The following ERI1 variants were observed in gnomAD, a reference collection of about 807,000 sequenced individuals.
ERI1 encodes the protein 3'-5' exoribonuclease 1.
ERI1 carries 39 observed loss-of-function variants against 39.7 expected under a neutral mutation model. That is an observed-to-expected ratio of 0.98 (90% CI 0.76 to 1.28). ERI1 has a LOEUF of 1.28. Among genes scored for constraint, ERI1 ranks in the 50% most tolerant of loss-of-function variants. ERI1 has a pLI of 0.00. For missense variants in ERI1, 581 were observed against 416.9 expected (o/e 1.39, Z -3.43); for synonymous variants, 204 against 149.6 (o/e 1.36, Z -2.65).
chr8:9,081,352 C>T (rs1208730424), intron 3 of ERI1, among the ~76,000 whole-genome samples: 1 of 152,182 alleles, frequency 6.6e-6, no homozygotes, highest in Admixed American at 6.5e-5. Flanking sequence ...TTAGATGAAA[C>T]AAGATTGGCT....
chr8:9,020,711 G>A (rs1381018341), intron 6 of ERI1, among the ~76,000 whole-genome samples: 1 of 152,160 alleles, frequency 6.6e-6, no homozygotes, highest in Non-Finnish European at 1.5e-5. Context: ...GGGGCAGTCA[G>A]TATGTGGATT....
intron 3 of ERI1, among the ~76,000 whole-genome samples, chr8:9,065,627 G>T (rs1195431973): frequency 6.6e-6 from 1 of 150,770 alleles, no homozygotes; most frequent in African/African-American, 2.4e-5. Context: ...CCCGGGAGGC[G>T]GAGCTTGCAG....
chr8:9,045,676 A>AT (rs34131409), intron 3 of ERI1, among the ~76,000 whole-genome samples: 2,694 of 138,356 alleles, frequency 0.019, 33 homozygotes, highest in Middle Eastern at 0.041. Flanking sequence ...AATCTATAGA[A>AT]TTTTTTTTTT....
At chr8:9,053,900 A>G (rs1303966168) in intron 3 of ERI1, among the ~76,000 whole-genome samples, 1 of 152,226 alleles carries the variant, frequency 6.6e-6, no homozygotes, top group African/African-American at 2.4e-5. Flanking sequence ...ATAACAGAGT[A>G]TAGTATTCTC....
chr8:9,003,029 G>C lies in ERI1; in HGVS notation c.-35G>C, dbSNP rs976198621. ...GCAGAGTGAGAGTTAGCAAGTGTCC[G>C]GCTCCAGCAACTCTCCTCTGGCGTG... On this transcript the variant is annotated 5_prime_UTR_variant, in exon 1 of 7. Coordinates refer to ENST00000250263, the MANE Select transcript of ERI1 (RefSeq NM_153332.4). 2.2e-5 allele frequency: 27 copies of C among 1,202,094 alleles called. No homozygotes were observed. Among genetic ancestry groups the C allele is most frequent in the Non-Finnish European group, 2.5e-5 (24 of 947,856 alleles). 74.5% of individuals were successfully genotyped at this position (1,202,094 alleles called of 1,614,324 possible).
chr8:9,057,395 A>C (rs1433202411), intron 3 of ERI1, among the ~76,000 whole-genome samples: 1 of 152,194 alleles, frequency 6.6e-6, no homozygotes. Context: ...TAATTGCAGA[A>C]TGAAACGCAC....
At chr8:9,024,310 C>T (rs1016512) in intron 6 of ERI1, among the ~76,000 whole-genome samples, 18,795 of 152,186 alleles carry the variant, frequency 0.12, 1,309 homozygotes, top group Middle Eastern at 0.15. Context: ...TGGGGGAAAT[C>T]CCAAACTTTC....
At chr8:9,070,242 A>G (rs1246911501) in intron 3 of ERI1, among the ~76,000 whole-genome samples, 1 of 151,868 alleles carries the variant, frequency 6.6e-6, no homozygotes, top group Non-Finnish European at 1.5e-5. Flanking sequence ...GTCTCAAAAA[A>G]AAAAACAAAA....
chr8:9,032,514 T>C lies in ERI1; in HGVS notation c.*2480T>C, dbSNP rs1335114031. ...AAATGTTTTTGTGATGTGTCTTTGTTGCCTTGAGATAGATCCATTTATCCT... is the reference window on the plus strand; with the variant it reads ...AAATGTTTTTGTGATGTGTCTTTGTCGCCTTGAGATAGATCCATTTATCCT... On this transcript the variant is annotated 3_prime_UTR_variant, in exon 7 of 7. Transcript: ENST00000250263. 2.0e-5 allele frequency: 3 copies of C among 152,250 alleles called. No homozygotes were observed. The highest frequency in any genetic ancestry group is 4.4e-5 in the Non-Finnish European group (3 of 68,044). 9.4% of individuals were successfully genotyped at this position (152,250 alleles called of 1,614,324 possible).
At position 9,066,670 on chromosome 8, in the gene ERI1, A is replaced by C. The variant is rs563424521; in HGVS notation, n.299+46206A>C. ...GGTCATTGTTTTTAAAGGAAGGGAC[A>C]TACTTAACATTTTAAGTATTCTATT... is the stretch of plus-strand genomic sequence containing the variant. On this transcript the variant is annotated intron_variant and non_coding_transcript_variant, in intron 3 of 3. Transcript: ENST00000518663. Among the ~76,000 whole-genome samples, 600 of 152,360 alleles carry C rather than the reference A, an allele frequency of 3.9e-3. 2 individuals are homozygous for C. Among genetic ancestry groups the C allele is most frequent in the Non-Finnish European group, 5.9e-3 (401 of 68,034 alleles).
At chr8:9,018,997 A>G (rs1277200928) in intron 5 of ERI1, among the ~76,000 whole-genome samples, 2 of 152,194 alleles carry the variant, frequency 1.3e-5, no homozygotes, top group East Asian at 1.9e-4. Flanking sequence ...ATTCTGATAT[A>G]TAATCTTTGT....
intron 6 of ERI1, among the ~76,000 whole-genome samples, chr8:9,026,495 T>G (rs904395902): frequency 2.0e-5 from 3 of 152,206 alleles, no homozygotes; most frequent in Non-Finnish European, 4.4e-5. Flanking sequence ...TGATCTTTTG[T>G]GACTGGCATA....
chr8:9,093,339 G>A (rs1289489225), intron 3 of ERI1, among the ~76,000 whole-genome samples: 3 of 152,148 alleles, frequency 2.0e-5, no homozygotes, highest in African/African-American at 7.2e-5. Flanking sequence ...TGTGGCCCAA[G>A]GGCTGCAGGT....
chr8:9,054,306 C>T (rs1798443881), intron 3 of ERI1, among the ~76,000 whole-genome samples: 1 of 152,204 alleles, frequency 6.6e-6, no homozygotes. Flanking sequence ...CCCACTTCGT[C>T]CTATTCGGCT....
intron 3 of ERI1, among the ~76,000 whole-genome samples, chr8:9,058,921 C>T (rs3989375): frequency 8.5e-4 from 129 of 152,154 alleles, no homozygotes; most frequent in Non-Finnish European, 1.5e-3. Flanking sequence ...CTTTCATGCG[C>T]GTCCGTGTGA....
At chr8:9,009,347 T>C (rs1459894519) in intron 2 of ERI1, among the ~76,000 whole-genome samples, 1 of 152,102 alleles carries the variant, frequency 6.6e-6, no homozygotes, top group Non-Finnish European at 1.5e-5. Context: ...GAGGAGAATA[T>C]TTCTCAGGAA....
chr8:9,046,265 C>T (rs1798172177), intron 3 of ERI1, among the ~76,000 whole-genome samples: 1 of 152,142 alleles, frequency 6.6e-6, no homozygotes, highest in Non-Finnish European at 1.5e-5. Flanking sequence ...TCTTGAGTGG[C>T]AGTGATGAGT....
intron 1 of ERI1, 25 bp from the exon 2 acceptor site, chr8:9,007,945 T>C: frequency 9.8e-7 from 1 of 1,025,384 alleles, no homozygotes; most frequent in Non-Finnish European, 1.2e-6. Flanking sequence ...CTTTTTTTTT[T>C]TTTTTTTTTT....
intron 2 of ERI1, chr8:9,009,148 T>C (rs1816398456): frequency 4.4e-6 from 2 of 452,354 alleles, no homozygotes; most frequent in South Asian, 1.6e-5. Context: ...TGTATGTTTA[T>C]ACGTTTATTC....
Sources: gnomAD v4.1 joint callset for allele counts (sites outside exome capture counted in the v4.1 genomes callset) on GRCh38, gnomAD v4.1.1 for gene constraint, MANE v1.5 for transcripts, NCBI Gene and HGNC (gene_info 2026-07-23, HGNC 2026-07-21) for gene names.